Variants in RCAN2 observed in about 807,000 individuals in gnomAD.
RCAN2 encodes regulator of calcineurin 2.
A neutral mutation model predicts 23.6 loss-of-function variants in RCAN2; 9 were observed. The observed-to-expected ratio is 0.38, with a 90% CI of 0.23 to 0.67. RCAN2 has a LOEUF of 0.67. RCAN2 is among the 30% of genes least tolerant of loss of function. The pLI is 0.51. For missense variants in RCAN2, 273 were observed against 302.3 expected (o/e 0.90, Z 0.72); for synonymous variants, 109 against 115.7 (o/e 0.94, Z 0.37).
chr6:46,317,261 G>A (rs1763469201), intron 2 of RCAN2, among the ~76,000 whole-genome samples: 1 of 152,120 alleles, frequency 6.6e-6, no homozygotes. Flanking sequence ...TAGATGCTAT[G>A]CCTTCAATTG....
At chr6:46,460,862 T>C (rs777762499) in intron 1 of RCAN2, among the ~76,000 whole-genome samples, 10 of 152,346 alleles carry the variant, frequency 6.6e-5, no homozygotes, top group South Asian at 2.1e-4. Flanking sequence ...GATATACTAT[T>C]TCAAATGTCT....
chr6:46,418,695 G>GTATATATATATATATATATATA (rs70996369), intron 2 of RCAN2, among the ~76,000 whole-genome samples: 3 of 121,348 alleles, frequency 2.5e-5, no homozygotes, highest in African/African-American at 6.2e-5. Flanking sequence ...ATGTGTGTGT[G>GTATATATATATATATATATATA]TATATATATA....
chr6:46,403,242 G>A (rs1335473379), intron 2 of RCAN2, among the ~76,000 whole-genome samples: 2 of 151,996 alleles, frequency 1.3e-5, no homozygotes, highest in African/African-American at 4.8e-5. Flanking sequence ...TGGGATTGTA[G>A]GCGTGAGCCA....
intron 2 of RCAN2, among the ~76,000 whole-genome samples, chr6:46,310,579 G>T (rs1763224379): frequency 6.8e-6 from 1 of 147,162 alleles, no homozygotes; most frequent in Admixed American, 6.6e-5. Context: ...TTCTTCCAAA[G>T]AAATCTCTTA....
intron 2 of RCAN2, among the ~76,000 whole-genome samples, chr6:46,407,752 T>C (rs1320519409): frequency 6.6e-6 from 1 of 152,200 alleles, no homozygotes; most frequent in African/African-American, 2.4e-5. Context: ...TATAATTTTA[T>C]ATTTAACCAA....
chr6:46,272,383 C>T (rs78951751), intron 2 of RCAN2, among the ~76,000 whole-genome samples: 217 of 152,298 alleles, frequency 1.4e-3, no homozygotes, highest in African/African-American at 4.9e-3. Context: ...TACATTCTGT[C>T]ATCATAGAAC....
intron 1 of RCAN2, among the ~76,000 whole-genome samples, chr6:46,461,224 C>T (rs915649826): frequency 2.0e-5 from 3 of 151,828 alleles, no homozygotes; most frequent in Non-Finnish European, 4.4e-5. Context: ...TTTAGTATAC[C>T]GCTCCTGTCC....
At chr6:46,282,400 A>G (rs1035726572) in intron 2 of RCAN2, among the ~76,000 whole-genome samples, 1 of 151,978 alleles carries the variant, frequency 6.6e-6, no homozygotes. Flanking sequence ...AAAACAAAAA[A>G]TTAGCCGGCT....
intron 4 of RCAN2, among the ~76,000 whole-genome samples, chr6:46,223,935 A>C (rs982872169): frequency 1.3e-5 from 2 of 152,180 alleles, no homozygotes; most frequent in African/African-American, 2.4e-5. Context: ...CTGTTGCTTC[A>C]TTAGATGTTT....
At chr6:46,386,997 G>A (rs558801093) in intron 2 of RCAN2, among the ~76,000 whole-genome samples, 3 of 152,308 alleles carry the variant, frequency 2.0e-5, no homozygotes, top group Admixed American at 2.0e-4. Flanking sequence ...AACAAGAAAT[G>A]TGGAAAGGAT....
At chr6:46,359,325 C>T (rs1458685597) in intron 2 of RCAN2, among the ~76,000 whole-genome samples, 1 of 152,192 alleles carries the variant, frequency 6.6e-6, no homozygotes, top group Non-Finnish European at 1.5e-5. Context: ...AGCTTTTCGA[C>T]AGTTCCGGTG....
intron 1 of RCAN2, among the ~76,000 whole-genome samples, chr6:46,481,049 T>C (rs1768845819): frequency 6.6e-6 from 1 of 152,234 alleles, no homozygotes. Context: ...CAGTTCATTT[T>C]ACCACTGACT....
chr6:46,335,665 C>T (rs1764118608), intron 2 of RCAN2, among the ~76,000 whole-genome samples: 1 of 152,158 alleles, frequency 6.6e-6, no homozygotes, highest in Non-Finnish European at 1.5e-5. Flanking sequence ...CAAAGACAAC[C>T]TTGGTAGGGA....
chr6:46,225,365 T>C (rs1487963683), intron 4 of RCAN2, among the ~76,000 whole-genome samples: 1 of 152,234 alleles, frequency 6.6e-6, no homozygotes, highest in Non-Finnish European at 1.5e-5. Context: ...CACACTGTCT[T>C]CCACAAAGGC....
upstream of RCAN2, among the ~76,000 whole-genome samples, chr6:46,491,585 C>G (rs1006282277): frequency 2.0e-5 from 3 of 152,062 alleles, no homozygotes; most frequent in African/African-American, 7.2e-5. Flanking sequence ...CATCTCCTCC[C>G]TCCTGACCCG....
At chr6:46,333,438 G>A (rs573523365) in intron 2 of RCAN2, among the ~76,000 whole-genome samples, 23 of 152,120 alleles carry the variant, frequency 1.5e-4, no homozygotes, top group Non-Finnish European at 2.5e-4. Context: ...TCCCCATTTG[G>A]ATTGTTTCCA....
intron 2 of RCAN2, among the ~76,000 whole-genome samples, chr6:46,395,808 A>G (rs1190978117): frequency 6.6e-6 from 1 of 152,120 alleles, no homozygotes; most frequent in African/African-American, 2.4e-5. Context: ...TACCTGTCAA[A>G]TTTAATACCA....
At chr6:46,450,837 A>G (rs1767857520) in intron 2 of RCAN2, among the ~76,000 whole-genome samples, 4 of 152,242 alleles carry the variant, frequency 2.6e-5, no homozygotes, top group Middle Eastern at 3.4e-3. Context: ...ATGAGTTCAA[A>G]AGATCTATTC....
intron 2 of RCAN2, among the ~76,000 whole-genome samples, chr6:46,314,374 A>G (rs994391304): frequency 9.2e-5 from 14 of 151,646 alleles, no homozygotes; most frequent in African/African-American, 2.9e-4. Context: ...AAAAAAAAAA[A>G]AAAAAGAAAA....
Sources: gnomAD v4.1 joint callset for allele counts (sites outside exome capture counted in the v4.1 genomes callset) on GRCh38, gnomAD v4.1.1 for gene constraint, MANE v1.5 for transcripts, NCBI Gene and HGNC (gene_info 2026-07-23, HGNC 2026-07-21) for gene names.